Variants in RUNX2 observed in about 807,000 individuals in gnomAD.
The protein encoded by RUNX2 is runt-related transcription factor 2.
RUNX2 carries 10 observed loss-of-function variants against 51.7 expected under a neutral mutation model. That is an observed-to-expected ratio of 0.19 (90% CI 0.12 to 0.33). The LOEUF (loss-of-function observed/expected upper bound fraction) is 0.33, where lower values mean the gene tolerates loss of function less well. Ranked by LOEUF, RUNX2 falls within the 10% of genes least tolerant of loss-of-function variation. The probability of loss-of-function intolerance (pLI) is 1.00; values close to 1 mark genes in which losing one functional copy is unlikely to be tolerated. For missense variants in RUNX2, 562 were observed against 691.3 expected (o/e 0.81, Z 2.10); for synonymous variants, 276 against 273.6 (o/e 1.01, Z -0.09).
chr6:45,503,714 T>C (rs376141136), intron 6 of RUNX2, among the ~76,000 whole-genome samples: 2 of 152,224 alleles, frequency 1.3e-5, no homozygotes, highest in African/African-American at 4.8e-5. Context: ...TCTTCTTCTA[T>C]TAGATTTTTT....
Position 45,548,251 on chromosome 6 carries a change from G to A in RUNX2, c.*946G>A, listed in dbSNP as rs1019687109. On this transcript the variant is annotated 3_prime_UTR_variant, in exon 9 of 9. Coordinates refer to ENST00000647337, the MANE Select transcript of RUNX2 (RefSeq NM_001024630.4). ...TTGGACCCTTGAAACATTTCTTAGTGTATTGATATGTTGACTTCGGTCTCT... is the reference window on the plus strand; with the variant it reads ...TTGGACCCTTGAAACATTTCTTAGTATATTGATATGTTGACTTCGGTCTCT... The A allele has an allele frequency of 2.6e-5, 4 of 152,504 alleles. No homozygotes were observed. Among genetic ancestry groups the A allele is most frequent in the Non-Finnish European group, 4.4e-5 (3 of 68,008 alleles). The allele number at this position is 152,504 out of a possible 1,614,324, so 9.4% of individuals were successfully genotyped here.
chr6:45,463,659 T>C (rs946018864), intron 5 of RUNX2, among the ~76,000 whole-genome samples: 2 of 152,230 alleles, frequency 1.3e-5, no homozygotes, highest in Admixed American at 6.5e-5. Context: ...CTCCCTCCTT[T>C]TATTTTTGTT....
At position 45,458,527 on chromosome 6, in the gene RUNX2, A is replaced by G. The variant is rs115086630; in HGVS notation, c.685+20476A>G. On this transcript the variant is annotated intron_variant, in intron 5 of 8. Transcript: ENST00000647337. The stretch of plus-strand genomic sequence containing the variant: ...ACTATACATTTATTCCGTGTCACCA[A>G]TGTGTTAACTGGCAAATACATTATG... 2.8e-3 allele frequency among the ~76,000 whole-genome samples: 421 copies of G among 152,338 alleles called. 2 individuals carry two copies. Among genetic ancestry groups the G allele is most frequent in the Non-Finnish European group, 5.2e-3 (355 of 68,014 alleles).
chr6:45,467,480 C>T (rs2150390877), intron 5 of RUNX2, among the ~76,000 whole-genome samples: 1 of 152,194 alleles, frequency 6.6e-6, no homozygotes, highest in East Asian at 1.9e-4. Flanking sequence ...TGGGGTTTCA[C>T]TATGTTGGCC....
At chr6:45,377,061 G>C (rs1197516638) in intron 2 of RUNX2, among the ~76,000 whole-genome samples, 3 of 151,920 alleles carry the variant, frequency 2.0e-5, no homozygotes, top group Non-Finnish European at 4.4e-5. Context: ...TCACTCTCAC[G>C]TGTGAGACCA....
At chr6:45,516,134 C>T (rs2150425065) in intron 7 of RUNX2, among the ~76,000 whole-genome samples, 1 of 152,184 alleles carries the variant, frequency 6.6e-6, no homozygotes, top group East Asian at 1.9e-4. Flanking sequence ...TTGTAGTTTT[C>T]CTCAGACCAT....
intron 7 of RUNX2, among the ~76,000 whole-genome samples, chr6:45,543,900 T>C (rs1315151580): frequency 6.6e-6 from 1 of 151,610 alleles, no homozygotes; most frequent in Non-Finnish European, 1.5e-5. Flanking sequence ...GTTTATAGTC[T>C]TTCTTTTAAG....
intron 5 of RUNX2, among the ~76,000 whole-genome samples, chr6:45,458,125 C>T (rs1047856597): frequency 2.0e-5 from 3 of 150,754 alleles, no homozygotes; most frequent in Non-Finnish European, 4.4e-5. Context: ...CTCCTGGGTT[C>T]AAGAGATTCT....
At chr6:45,497,526 C>A (rs554376857) in intron 6 of RUNX2, among the ~76,000 whole-genome samples, 132 of 152,202 alleles carry the variant, frequency 8.7e-4, no homozygotes, top group African/African-American at 3.1e-3. Context: ...TCTGCCTAGA[C>A]ACTCTTCCTT....
intron 2 of RUNX2, among the ~76,000 whole-genome samples, chr6:45,374,496 T>C (rs1348609269): frequency 6.6e-6 from 1 of 152,218 alleles, no homozygotes; most frequent in Non-Finnish European, 1.5e-5. Flanking sequence ...TCAAATCAAG[T>C]GTTAGAGCCT....
chr6:45,360,698 T>C (rs1010492216), intron 2 of RUNX2, among the ~76,000 whole-genome samples: 1 of 152,156 alleles, frequency 6.6e-6, no homozygotes, highest in Non-Finnish European at 1.5e-5. Flanking sequence ...CCAAACACTC[T>C]CAGGAGAAGA....
intron 2 of RUNX2, among the ~76,000 whole-genome samples, chr6:45,342,502 A>G (rs993109300): frequency 6.6e-6 from 1 of 151,918 alleles, no homozygotes; most frequent in Admixed American, 6.6e-5. Context: ...CTCGTAATCC[A>G]CCCGCCTTGG....
chr6:45,336,756 A>C (rs1385436895), intron 2 of RUNX2, among the ~76,000 whole-genome samples: 1 of 151,540 alleles, frequency 6.6e-6, no homozygotes, highest in Non-Finnish European at 1.5e-5. Context: ...GTACAAAAAG[A>C]TAGGAAGTGA....
At chr6:45,373,368 A>G (rs1433437026) in intron 2 of RUNX2, among the ~76,000 whole-genome samples, 2 of 152,194 alleles carry the variant, frequency 1.3e-5, no homozygotes, top group Non-Finnish European at 2.9e-5. Flanking sequence ...TAAGAGCCTC[A>G]TTAGTATAAC....
At chr6:45,388,003 T>C (rs1797388456) in intron 2 of RUNX2, among the ~76,000 whole-genome samples, 1 of 152,140 alleles carries the variant, frequency 6.6e-6, no homozygotes, top group African/African-American at 2.4e-5. Flanking sequence ...GGAGAAATAT[T>C]CAGGGCCATG....
At chr6:45,521,252 C>A (rs1360533537) in intron 7 of RUNX2, among the ~76,000 whole-genome samples, 1 of 152,012 alleles carries the variant, frequency 6.6e-6, no homozygotes, top group African/African-American at 2.4e-5. Context: ...ATTTTGTTCA[C>A]CTGGAACAAC....
intron 2 of RUNX2, among the ~76,000 whole-genome samples, chr6:45,389,624 A>G (rs1797426425): frequency 1.3e-5 from 2 of 152,260 alleles, no homozygotes; most frequent in Non-Finnish European, 2.9e-5. Flanking sequence ...AGAGATACAG[A>G]TCCAAGACAG....
Position 45,340,057 on chromosome 6 carries a change from T to G in RUNX2, c.58+11273T>G, listed in dbSNP as rs147285200. ...AGATGGGATTCCAACCCAAGCCTTTTAACTCTTAATTACCACTTTACAGTG... is the reference window on the plus strand; with the variant it reads ...AGATGGGATTCCAACCCAAGCCTTTGAACTCTTAATTACCACTTTACAGTG... On this transcript the variant is annotated intron_variant, in intron 2 of 8. Coordinates refer to ENST00000647337, the MANE Select transcript of RUNX2 (RefSeq NM_001024630.4). Among the ~76,000 whole-genome samples, 267 of 152,320 alleles carry G rather than the reference T, an allele frequency of 1.8e-3. 3 individuals are homozygous for G. Among genetic ancestry groups the G allele is most frequent in the African/African-American group, 6.3e-3 (261 of 41,568 alleles).
intron 7 of RUNX2, among the ~76,000 whole-genome samples, chr6:45,523,262 A>G (rs1801563137): frequency 6.6e-6 from 1 of 151,936 alleles, no homozygotes; most frequent in Non-Finnish European, 1.5e-5. Context: ...CATGATTATT[A>G]TTATTATTTT....
Sources: allele counts gnomAD v4.1 joint callset (sites outside exome capture counted in the v4.1 genomes callset), GRCh38; gene constraint gnomAD v4.1.1; transcripts MANE v1.5; gene names NCBI Gene and HGNC (gene_info 2026-07-23, HGNC 2026-07-21).